Variants in MIPEP observed in about 807,000 individuals in gnomAD.
MIPEP encodes the protein mitochondrial intermediate peptidase.
A neutral mutation model predicts 90.3 loss-of-function variants in MIPEP; 79 were observed. That is an observed-to-expected ratio of 0.87 (90% confidence interval 0.73 to 1.05). MIPEP has a LOEUF of 1.05. Ranked by LOEUF, MIPEP falls within the 50% of genes least tolerant of loss-of-function variation. MIPEP has a pLI of 0.00. For missense variants in MIPEP, 940 were observed against 905.6 expected (o/e 1.04, Z -0.49); for synonymous variants, 334 against 315.8 (o/e 1.06, Z -0.61).
intron 14 of MIPEP, among the ~76,000 whole-genome samples, chr13:23,817,354 G>A (rs1453609208): frequency 6.6e-6 from 1 of 152,194 alleles, no homozygotes; most frequent in Non-Finnish European, 1.5e-5. Flanking sequence ...CAGCATAGCT[G>A]AGCACTGTCT....
chr13:23,888,045 T>C (rs919363737), intron 1 of MIPEP: 10 of 413,210 alleles, frequency 2.4e-5, no homozygotes, highest in African/African-American at 8.5e-5. Flanking sequence ...TTTTTTTTTT[T>C]CAAGGCAAAA....
intron 16 of MIPEP, among the ~76,000 whole-genome samples, chr13:23,767,866 C>T (rs1952607177): frequency 6.6e-6 from 1 of 151,800 alleles, no homozygotes; most frequent in Non-Finnish European, 1.5e-5. Context: ...GTAAGTGTTC[C>T]TTCCTTCATT....
chr13:23,828,168 T>A (rs1255261596), intron 14 of MIPEP, among the ~76,000 whole-genome samples: 1 of 152,204 alleles, frequency 6.6e-6, no homozygotes, highest in African/African-American at 2.4e-5. Context: ...AGTAGCAAAC[T>A]GGAGATAGAA....
intron 4 of MIPEP, among the ~76,000 whole-genome samples, chr13:23,875,182 G>C (rs919636238): frequency 2.6e-5 from 4 of 151,676 alleles, no homozygotes; most frequent in African/African-American, 7.3e-5. Flanking sequence ...TTTATTCAGA[G>C]AGTACAAACC....
At chr13:23,735,042 A>G (rs984178967) in intron 18 of MIPEP, among the ~76,000 whole-genome samples, 10 of 152,198 alleles carry the variant, frequency 6.6e-5, no homozygotes, top group Admixed American at 2.0e-4. Flanking sequence ...TCCTGGATAC[A>G]TGGACACCCC....
intron 18 of MIPEP, among the ~76,000 whole-genome samples, chr13:23,732,562 A>G (rs1952218053): frequency 6.6e-6 from 1 of 152,210 alleles, no homozygotes. Flanking sequence ...TATTCATATG[A>G]TGGAATATTA....
intron 18 of MIPEP, among the ~76,000 whole-genome samples, chr13:23,743,787 C>T (rs1032505611): frequency 6.6e-6 from 1 of 152,226 alleles, no homozygotes; most frequent in African/African-American, 2.4e-5. Flanking sequence ...CACACCCACA[C>T]ATTAAACACG....
chr13:23,834,588 C>A (rs1041402133), intron 14 of MIPEP, among the ~76,000 whole-genome samples: 2 of 152,232 alleles, frequency 1.3e-5, no homozygotes, highest in African/African-American at 2.4e-5. Context: ...GACTGAAGGG[C>A]CTCTCTGTCC....
At chr13:23,743,567 C>G (rs1220217577) in intron 18 of MIPEP, among the ~76,000 whole-genome samples, 1 of 152,254 alleles carries the variant, frequency 6.6e-6, no homozygotes, top group Non-Finnish European at 1.5e-5. Flanking sequence ...ATGAGGCTCT[C>G]TCTGTCTCTC....
chr13:23,826,483 G>C (rs1436773641), intron 14 of MIPEP, among the ~76,000 whole-genome samples: 8 of 152,050 alleles, frequency 5.3e-5, no homozygotes, highest in Non-Finnish European at 1.2e-4. Context: ...CAATTAATTA[G>C]ATATCAGAAA....
chr13:23,778,473 A>T (rs900239077), intron 16 of MIPEP, among the ~76,000 whole-genome samples: 3 of 152,194 alleles, frequency 2.0e-5, no homozygotes, highest in African/African-American at 7.2e-5. Flanking sequence ...GCTGTGCATT[A>T]TCATGGGGAC....
At chr13:23,871,808 A>G (rs1013387497) in intron 5 of MIPEP, among the ~76,000 whole-genome samples, 1 of 152,210 alleles carries the variant, frequency 6.6e-6, no homozygotes, top group Non-Finnish European at 1.5e-5. Context: ...TTTGTTTGAT[A>G]TGGCCATTTA....
Position 23,783,326 on chromosome 13 carries a change from T to C in MIPEP, c.1848+22624A>G, listed in dbSNP as rs184593482. Reference sequence around the variant, plus strand: ...GCAAATCAATAAACATAATACAGCATATAAACAGAACCAAAGACAAAAACC... The same window carrying C: ...GCAAATCAATAAACATAATACAGCACATAAACAGAACCAAAGACAAAAACC... On this transcript the variant is annotated intron_variant, in intron 16 of 18. Coordinates refer to ENST00000382172, the MANE Select transcript of MIPEP (RefSeq NM_005932.4). 5.9e-3 allele frequency among the ~76,000 whole-genome samples: 901 copies of C among 152,206 alleles called. 10 individuals carry two copies. Among genetic ancestry groups the C allele is most frequent in the African/African-American group, 0.02 (843 of 41,514 alleles).
intron 2 of MIPEP, among the ~76,000 whole-genome samples, chr13:23,883,879 A>C (rs1335654635): frequency 6.6e-6 from 1 of 152,158 alleles, no homozygotes; most frequent in Non-Finnish European, 1.5e-5. Flanking sequence ...TCCTATGCAC[A>C]TACTGGAGGC....
At chr13:23,810,409 GATT>G (rs1254900256) in intron 14 of MIPEP, among the ~76,000 whole-genome samples, 2 of 152,188 alleles carry the variant, frequency 1.3e-5, no homozygotes, top group Non-Finnish European at 2.9e-5. Flanking sequence ...ATGTATTGCA[GATT>G]ATTTTCTTTT....
At chr13:23,858,823 T>C (rs991958833) in intron 10 of MIPEP, 37 bp downstream of exon 10, 10 of 1,589,976 alleles carry the variant, frequency 6.3e-6, no homozygotes, top group Non-Finnish European at 8.6e-6. Flanking sequence ...AGTTTCCTTT[T>C]TCCTTTTCCT....
chr13:23,844,222 T>G (rs1869434119), intron 10 of MIPEP, among the ~76,000 whole-genome samples: 1 of 150,746 alleles, frequency 6.6e-6, no homozygotes, highest in African/African-American at 2.4e-5. Context: ...GAGGGAGGGG[T>G]GGGAAGGAAG....
intron 16 of MIPEP, among the ~76,000 whole-genome samples, chr13:23,780,852 C>A (rs1293332258): frequency 6.6e-6 from 1 of 151,846 alleles, no homozygotes; most frequent in Non-Finnish European, 1.5e-5. Flanking sequence ...GAAAGGGTAT[C>A]AGTGATTAAA....
intron 14 of MIPEP, among the ~76,000 whole-genome samples, chr13:23,835,639 G>A (rs796668652): frequency 3.9e-5 from 6 of 152,280 alleles, no homozygotes; most frequent in African/African-American, 1.2e-4. Context: ...ATCTTCCAAT[G>A]TACACATGGA....
Sources: gnomAD v4.1 joint callset for allele counts (sites outside exome capture counted in the v4.1 genomes callset) on GRCh38, gnomAD v4.1.1 for gene constraint, MANE v1.5 for transcripts, NCBI Gene and HGNC (gene_info 2026-07-23, HGNC 2026-07-21) for gene names.